Variants in DDC observed in about 807,000 individuals in gnomAD.
DDC encodes aromatic-L-amino-acid decarboxylase.
DDC carries 43 observed loss-of-function variants against 60.0 expected under a neutral mutation model. The observed-to-expected ratio is 0.72, with a 90% confidence interval of 0.56 to 0.92. DDC has a LOEUF of 0.92. Ranked by LOEUF, DDC falls within the 40% of genes least tolerant of loss-of-function variation. The pLI is 0.00. For synonymous variants in DDC, 232 were observed against 234.6 expected, an observed-to-expected ratio of 0.99 and a Z score of 0.10; for missense variants, 573 against 620.2, an observed-to-expected ratio of 0.92 and a Z score of 0.81.
intron 6 of DDC, among the ~76,000 whole-genome samples, chr7:50,508,068 G>A (rs1411619153): frequency 1.3e-5 from 2 of 152,206 alleles, no homozygotes; most frequent in Admixed American, 1.3e-4. Flanking sequence ...ATCAGTTAAC[G>A]AGCTCAGCAC....
At chr7:50,490,764 A>AAAC (rs760212090) in intron 9 of DDC, among the ~76,000 whole-genome samples, 2 of 152,238 alleles carry the variant, frequency 1.3e-5, no homozygotes, top group Non-Finnish European at 2.9e-5. Context: ...ACCAATTTAA[A>AAAC]AACAACAACA....
chr7:50,490,712 A>T (rs1271184110), intron 9 of DDC, among the ~76,000 whole-genome samples: 1 of 152,096 alleles, frequency 6.6e-6, no homozygotes, highest in Non-Finnish European at 1.5e-5. Context: ...ACAACAACAA[A>T]AGCTCTAAAT....
chr7:50,510,222 A>G (rs944002869), intron 6 of DDC, among the ~76,000 whole-genome samples: 1 of 151,936 alleles, frequency 6.6e-6, no homozygotes, highest in African/African-American at 2.4e-5. Context: ...TGATCCGCCC[A>G]CCTTGGCCTC....
intron 6 of DDC, among the ~76,000 whole-genome samples, chr7:50,512,675 C>G (rs1459649115): frequency 6.6e-6 from 1 of 152,148 alleles, no homozygotes; most frequent in Non-Finnish European, 1.5e-5. Flanking sequence ...ATTACTGATC[C>G]CAGTCACAGG....
chr7:50,465,935 A>G (rs1352105438), intron 13 of DDC, among the ~76,000 whole-genome samples: 1 of 152,180 alleles, frequency 6.6e-6, no homozygotes, highest in Non-Finnish European at 1.5e-5. Flanking sequence ...CCCAGGTCTC[A>G]TCACTTTGTG....
chr7:50,458,528 T>C lies in DDC; in HGVS notation c.*334A>G, dbSNP rs1016730348. 70 of 152,362 alleles carry C rather than the reference T, an allele frequency of 4.6e-4. No homozygotes were observed. The highest frequency in any genetic ancestry group is 1.6e-3 in the African/African-American group (67 of 41,576). 9.4% of individuals were successfully genotyped at this position (152,362 alleles called of 1,614,324 possible). A position where few individuals can be genotyped will look rare whatever the true frequency, so the allele number is the denominator to read the frequency against. On this transcript the variant is annotated 3_prime_UTR_variant, in exon 15 of 15. Coordinates refer to ENST00000444124, the MANE Select transcript of DDC (RefSeq NM_001082971.2). ...GATATAATTTCAAGTTGCGTGAACATTGATTGCCCTGGAAAATATATCAGT... is the reference window on the plus strand; with the variant it reads ...GATATAATTTCAAGTTGCGTGAACACTGATTGCCCTGGAAAATATATCAGT...
intron 4 of DDC, among the ~76,000 whole-genome samples, chr7:50,530,414 T>G (rs1210485073): frequency 2.6e-5 from 4 of 152,180 alleles, no homozygotes; most frequent in Non-Finnish European, 4.4e-5. Flanking sequence ...ATTTTGGACT[T>G]GCAGCCTTCG....
chr7:50,554,265 G>A lies in DDC; in HGVS notation c.-28-10152C>T, dbSNP rs1170495119. Among the ~76,000 whole-genome samples, 4 of 152,134 alleles carry A rather than the reference G, an allele frequency of 2.6e-5. No homozygotes were observed. In the South Asian group the frequency reaches 6.2e-4, roughly 24 times the overall value. On this transcript the variant is annotated intron_variant, in intron 1 of 14. Transcript: ENST00000444124. Reference sequence around the variant, plus strand: ...TGATGGGGTGAGAGCCTGCTGCAGAGTCAGTGTTCAGTAAAATGTTTTCAT... The same window carrying A: ...TGATGGGGTGAGAGCCTGCTGCAGAATCAGTGTTCAGTAAAATGTTTTCAT...
chr7:50,480,388 G>A (rs1020139775), intron 9 of DDC, among the ~76,000 whole-genome samples: 4 of 152,310 alleles, frequency 2.6e-5, no homozygotes, highest in East Asian at 1.9e-4. Flanking sequence ...GCATTTCTTT[G>A]TTTGTACTCT....
intron 4 of DDC, among the ~76,000 whole-genome samples, chr7:50,532,890 T>A (rs934413435): frequency 2.0e-5 from 3 of 152,232 alleles, no homozygotes; most frequent in Non-Finnish European, 4.4e-5. Flanking sequence ...GCATGAATGT[T>A]AAACATGAAT....
intron 4 of DDC, among the ~76,000 whole-genome samples, chr7:50,533,765 G>T (rs533912296): frequency 6.6e-6 from 1 of 152,314 alleles, no homozygotes; most frequent in South Asian, 2.1e-4. Context: ...CTAACATACA[G>T]TAGAAGAAAA....
At chr7:50,544,991 C>T (rs1442083831) in intron 1 of DDC, among the ~76,000 whole-genome samples, 1 of 152,146 alleles carries the variant, frequency 6.6e-6, no homozygotes, top group Admixed American at 6.5e-5. Context: ...CATATATTTT[C>T]TCCATAAGGC....
intron 14 of DDC, among the ~76,000 whole-genome samples, chr7:50,462,981 G>A (rs2042316034): frequency 1.3e-5 from 2 of 152,264 alleles, no homozygotes; most frequent in Middle Eastern, 3.4e-3. Context: ...CTTTGGCCAG[G>A]ATGGTCTCAA....
At chr7:50,497,623 G>A (rs982469975) in intron 8 of DDC, among the ~76,000 whole-genome samples, 3 of 152,094 alleles carry the variant, frequency 2.0e-5, no homozygotes, top group African/African-American at 4.8e-5. Context: ...CACCAAACAC[G>A]CACCAAACTA....
intron 3 of DDC, 98 bp downstream of exon 3, chr7:50,539,817 C>G: frequency 1.2e-6 from 1 of 868,622 alleles, no homozygotes; most frequent in Non-Finnish European, 1.9e-6. Flanking sequence ...CAGACAGCAC[C>G]GCCATCTGCT....
At chr7:50,503,142 G>A (rs975175347) in intron 7 of DDC, among the ~76,000 whole-genome samples, 1 of 152,222 alleles carries the variant, frequency 6.6e-6, no homozygotes, top group Non-Finnish European at 1.5e-5. Flanking sequence ...CAATTCCCTG[G>A]TAGCTGTTGT....
intron 8 of DDC, 135 bp from the exon 9 acceptor site, chr7:50,495,552 A>G (rs995289315): frequency 4.1e-6 from 3 of 727,514 alleles, no homozygotes; most frequent in Non-Finnish European, 7.2e-6. Flanking sequence ...AGGGTTGCCC[A>G]GGGGAGTAGT....
intron 6 of DDC, among the ~76,000 whole-genome samples, chr7:50,527,138 C>A (rs10277662): frequency 1.3e-5 from 2 of 152,136 alleles, no homozygotes; most frequent in South Asian, 4.1e-4. Context: ...TCATATATTT[C>A]GCATGTTTTC....
chr7:50,518,072 G>A (rs762200463), intron 6 of DDC, among the ~76,000 whole-genome samples: 9 of 151,828 alleles, frequency 5.9e-5, no homozygotes, highest in East Asian at 3.9e-4. Flanking sequence ...TTAGCCAGGC[G>A]TGGTGGCAAG....
Sources: gnomAD v4.1 joint callset for allele counts (sites outside exome capture counted in the v4.1 genomes callset) on GRCh38, gnomAD v4.1.1 for gene constraint, MANE v1.5 for transcripts, NCBI Gene and HGNC (gene_info 2026-07-23, HGNC 2026-07-21) for gene names.